Variants in DOCK4 observed in about 807,000 individuals in gnomAD.
The protein encoded by DOCK4 is dedicator of cytokinesis 4.
In DOCK4, 97 loss-of-function variants were observed where a neutral mutation model predicts 268.1. The ratio of observed to expected loss-of-function variants is 0.36; its 90% CI spans 0.31 to 0.43. The LOEUF (loss-of-function observed/expected upper bound fraction) is 0.43, where lower values mean the gene tolerates loss of function less well. Among genes scored for constraint, DOCK4 ranks in the 20% least tolerant of loss-of-function variants. The pLI, the probability that DOCK4 is intolerant of heterozygous loss-of-function variation, is 1.00. For synonymous variants in DOCK4, 954 were observed against 887.2 expected, an observed-to-expected ratio of 1.08 and a Z score of -1.34; for missense variants, 2,145 against 2,455.7, an observed-to-expected ratio of 0.87 and a Z score of 2.67.
intron 13 of DOCK4, among the ~76,000 whole-genome samples, chr7:111,906,462 T>C (rs745535934): frequency 1.2e-4 from 19 of 152,154 alleles, no homozygotes; most frequent in Admixed American, 3.9e-4. Flanking sequence ...AATACAAATA[T>C]TCAAGTATGA....
chr7:112,163,738 G>A (rs76019225), intron 1 of DOCK4, among the ~76,000 whole-genome samples: 1,960 of 152,204 alleles, frequency 0.013, 21 homozygotes, highest in Non-Finnish European at 0.021. Context: ...GCTTAGAGAG[G>A]TTAAGTAAAT....
chr7:111,790,381 G>T, intron 31 of DOCK4, 76 bp downstream of exon 31: 2 of 1,544,856 alleles, frequency 1.3e-6, no homozygotes, highest in South Asian at 2.5e-5. Flanking sequence ...CCAAGTTGGA[G>T]TTGAATCCAG....
intron 1 of DOCK4, among the ~76,000 whole-genome samples, chr7:112,017,304 G>A (rs1456877401): frequency 6.6e-6 from 1 of 152,116 alleles, no homozygotes; most frequent in Non-Finnish European, 1.5e-5. Flanking sequence ...ATCTTACAAA[G>A]GATTTACATT....
At position 112,142,968 on chromosome 7, in the gene DOCK4, G is replaced by A. The variant is rs567552551; in HGVS notation, c.37+63134C>T. ...CCTGGAAACAAAGAACTTTGTACAT[G>A]TGTCTTTTTATGAATAAGTGTGAGG... On this transcript the variant is annotated intron_variant, in intron 1 of 52. Coordinates refer to ENST00000428084, the MANE Select transcript of DOCK4 (RefSeq NM_001363540.2). Among the ~76,000 whole-genome samples the A allele has an allele frequency of 1.4e-4, 21 of 152,152 alleles. 1 individual carries two copies. The South Asian group carries it at 4.4e-3, about 32-fold the overall frequency.
intron 19 of DOCK4, 59 bp downstream of exon 19, chr7:111,872,210 T>C: frequency 8.6e-6 from 12 of 1,403,290 alleles, no homozygotes; most frequent in Non-Finnish European, 1.2e-5. Context: ...ACCAGCCTCA[T>C]GAAAGTCAAG....
chr7:111,841,896 T>C (rs760988601), intron 25 of DOCK4, among the ~76,000 whole-genome samples: 1 of 152,210 alleles, frequency 6.6e-6, no homozygotes, highest in Non-Finnish European at 1.5e-5. Context: ...AACAACCTTG[T>C]ACGCTCTGCA....
intron 1 of DOCK4, among the ~76,000 whole-genome samples, chr7:112,148,587 T>G (rs2116363178): frequency 6.6e-6 from 1 of 152,296 alleles, no homozygotes; most frequent in East Asian, 1.9e-4. Context: ...ATTTCACATT[T>G]CAAATACAAC....
rs76900850 is a variant in DOCK4, at chr7:112,097,299, C to G, written c.38-93168G>C. Among the ~76,000 whole-genome samples the G allele has an allele frequency of 7.9e-5, 12 of 152,258 alleles. No homozygotes were observed. The East Asian group carries it at 2.3e-3, about 29-fold the overall frequency. ...AAAAAGATTCAGGCTGTTGGCAGGGCGTCATGGCTCATGCCTGTAATCCCA... is the reference window on the plus strand; with the variant it reads ...AAAAAGATTCAGGCTGTTGGCAGGGGGTCATGGCTCATGCCTGTAATCCCA... On this transcript the variant is annotated intron_variant, in intron 1 of 52. Coordinates refer to ENST00000428084, the MANE Select transcript of DOCK4 (RefSeq NM_001363540.2).
chr7:111,884,247 T>A (rs2134308167), intron 16 of DOCK4, among the ~76,000 whole-genome samples: 1 of 152,340 alleles, frequency 6.6e-6, no homozygotes, highest in African/African-American at 2.4e-5. Flanking sequence ...CTACCTTTTA[T>A]GAGTGCTTAC....
At chr7:111,928,976 T>A (rs569700876) in intron 12 of DOCK4, among the ~76,000 whole-genome samples, 2 of 152,348 alleles carry the variant, frequency 1.3e-5, no homozygotes, top group South Asian at 4.1e-4. Flanking sequence ...TATATCAATG[T>A]TAACATTCTG....
chr7:112,060,519 C>T (rs1438855327), intron 1 of DOCK4, among the ~76,000 whole-genome samples: 1 of 152,090 alleles, frequency 6.6e-6, no homozygotes, highest in African/African-American at 2.4e-5. Context: ...ACTGGCACAC[C>T]CATGTTCATG....
chr7:111,803,567 A>G (rs1800455092), intron 30 of DOCK4, among the ~76,000 whole-genome samples: 1 of 152,180 alleles, frequency 6.6e-6, no homozygotes, highest in Admixed American at 6.5e-5. Context: ...TGTGGAACAA[A>G]GAGCTCACTT....
At chr7:111,837,707 C>T (rs1803336730) in intron 25 of DOCK4, among the ~76,000 whole-genome samples, 2 of 152,058 alleles carry the variant, frequency 1.3e-5, no homozygotes, top group Non-Finnish European at 2.9e-5. Context: ...ACACTGAAGG[C>T]TGCAAAACAC....
chr7:112,074,017 A>ATGAT (rs1807842351), intron 1 of DOCK4, among the ~76,000 whole-genome samples: 2 of 152,326 alleles, frequency 1.3e-5, no homozygotes, highest in African/African-American at 2.4e-5. Flanking sequence ...AATTTGTACA[A>ATGAT]TGATTACATG....
At chr7:111,868,345 G>A (rs574859693) in intron 21 of DOCK4, among the ~76,000 whole-genome samples, 191 bp from the exon 22 acceptor site, 21 of 152,040 alleles carry the variant, frequency 1.4e-4, no homozygotes, top group Non-Finnish European at 2.6e-4. Context: ...GATGCCTAAT[G>A]AGAGAAAAAA....
chr7:111,784,009 C>T (rs1025792555), intron 33 of DOCK4, 57 bp from the exon 34 acceptor site: 1 of 1,569,580 alleles, frequency 6.4e-7, no homozygotes, highest in Admixed American at 1.9e-5. Context: ...GTCACCATGA[C>T]AACCACTTTA....
intron 1 of DOCK4, among the ~76,000 whole-genome samples, chr7:112,173,041 A>T (rs1818216451): frequency 6.6e-6 from 1 of 152,204 alleles, no homozygotes; most frequent in Non-Finnish European, 1.5e-5. Context: ...GTTCACACAG[A>T]CATTTATAAT....
chr7:112,201,954 T>C (rs962481489), intron 1 of DOCK4, among the ~76,000 whole-genome samples: 1 of 152,252 alleles, frequency 6.6e-6, no homozygotes, highest in African/African-American at 2.4e-5. Context: ...CTTATCTTTC[T>C]GTGCCAGACT....
At chr7:111,734,967 C>T in intron 51 of DOCK4, 87 bp downstream of exon 51, 1 of 1,068,930 alleles carries the variant, frequency 9.4e-7, no homozygotes. Context: ...CAAACGCCTA[C>T]CTTTCTCTCA....
Sources: gnomAD v4.1 joint callset for allele counts (sites outside exome capture counted in the v4.1 genomes callset) on GRCh38, gnomAD v4.1.1 for gene constraint, MANE v1.5 for transcripts, NCBI Gene and HGNC (gene_info 2026-07-23, HGNC 2026-07-21) for gene names.